Variants in RNGTT observed in about 807,000 individuals in gnomAD.
RNGTT encodes mRNA-capping enzyme.
A neutral mutation model predicts 79.3 loss-of-function variants in RNGTT; 33 were observed. That is an observed-to-expected ratio of 0.42 (90% CI 0.32 to 0.56). The LOEUF (loss-of-function observed/expected upper bound fraction) is 0.56, where lower values mean the gene tolerates loss of function less well. RNGTT is among the 20% of genes least tolerant of loss of function. The pLI, the probability that RNGTT is intolerant of heterozygous loss-of-function variation, is 0.17. For synonymous variants in RNGTT, 222 were observed against 235.9 expected (o/e 0.94, Z 0.54); for missense variants, 497 against 739.1 (o/e 0.67, Z 3.80).
intron 8 of RNGTT, among the ~76,000 whole-genome samples, chr6:88,889,016 G>A (rs1782957608): frequency 6.6e-6 from 1 of 152,000 alleles, no homozygotes; most frequent in Non-Finnish European, 1.5e-5. Context: ...CAACAAGAGT[G>A]AAAACCCGTC....
chr6:88,621,579 CA>C (rs1284641954), intron 14 of RNGTT, among the ~76,000 whole-genome samples: 1 of 151,810 alleles, frequency 6.6e-6, no homozygotes, highest in Non-Finnish European at 1.5e-5. Flanking sequence ...GAATATCATG[CA>C]TTTGTACTCT....
chr6:88,751,735 T>G (rs936467557), intron 13 of RNGTT, among the ~76,000 whole-genome samples: 1 of 152,112 alleles, frequency 6.6e-6, no homozygotes, highest in Non-Finnish European at 1.5e-5. Flanking sequence ...TGGTATGTTA[T>G]ATGGGCATTT....
At chr6:88,698,260 A>ATG (rs1775806276) in intron 13 of RNGTT, among the ~76,000 whole-genome samples, 1 of 95,428 alleles carries the variant, frequency 1.0e-5, no homozygotes, top group African/African-American at 9.2e-5. Flanking sequence ...TATATATATA[A>ATG]ATATATATGA....
intron 2 of RNGTT, among the ~76,000 whole-genome samples, chr6:88,932,961 A>G (rs562906640): frequency 6.6e-6 from 1 of 152,072 alleles, no homozygotes. Context: ...TCAATCCCCA[A>G]ATTTTCCTGC....
At chr6:88,950,245 A>AC in intron 1 of RNGTT, among the ~76,000 whole-genome samples, 1 of 152,296 alleles carries the variant, frequency 6.6e-6, no homozygotes, top group Middle Eastern at 3.4e-3. Flanking sequence ...GCACCTAGGC[A>AC]CCCAAGAACT....
At chr6:88,817,211 C>G (rs1035809718) in intron 11 of RNGTT, among the ~76,000 whole-genome samples, 6 of 152,096 alleles carry the variant, frequency 3.9e-5, no homozygotes, top group African/African-American at 1.4e-4. Context: ...AAGGAATATG[C>G]AAGGTATTCA....
At chr6:88,860,892 A>C (rs1781993922) in intron 8 of RNGTT, among the ~76,000 whole-genome samples, 6 of 151,970 alleles carry the variant, frequency 3.9e-5, no homozygotes, top group Non-Finnish European at 8.8e-5. Context: ...ATACAGCTAA[A>C]TGTAAGGAGG....
intron 11 of RNGTT, among the ~76,000 whole-genome samples, chr6:88,830,578 G>T (rs1248083966): frequency 6.6e-6 from 1 of 151,364 alleles, no homozygotes; most frequent in South Asian, 2.1e-4. Flanking sequence ...ACTAAGACCA[G>T]AGCAGAACTG....
At chr6:88,842,314 T>C (rs1309344161) in intron 11 of RNGTT, among the ~76,000 whole-genome samples, 2 of 151,962 alleles carry the variant, frequency 1.3e-5, no homozygotes, top group African/African-American at 4.8e-5. Flanking sequence ...ATGCAGTTTA[T>C]ATGTCTTAAA....
At chr6:88,621,875 G>T (rs1772454813) in intron 14 of RNGTT, among the ~76,000 whole-genome samples, 1 of 151,980 alleles carries the variant, frequency 6.6e-6, no homozygotes, top group South Asian at 2.1e-4. Context: ...TGATAATAAA[G>T]TTCCCTCTGC....
intron 8 of RNGTT, among the ~76,000 whole-genome samples, chr6:88,881,027 A>C (rs953193873): frequency 1.3e-5 from 2 of 152,338 alleles, no homozygotes; most frequent in East Asian, 3.9e-4. Flanking sequence ...TTATATTTAC[A>C]CTCAAGTAGA....
intron 14 of RNGTT, among the ~76,000 whole-genome samples, chr6:88,660,061 T>A (rs1774122715): frequency 6.6e-6 from 1 of 152,208 alleles, no homozygotes; most frequent in Non-Finnish European, 1.5e-5. Flanking sequence ...TTAAGCTTCA[T>A]AAATGAAGGC....
At chr6:88,962,566 C>T (rs185030935) in intron 1 of RNGTT, among the ~76,000 whole-genome samples, 30 of 151,816 alleles carry the variant, frequency 2.0e-4, no homozygotes, top group African/African-American at 7.0e-4. Flanking sequence ...TGAGGCCAGG[C>T]GTTGGAGACC....
chr6:88,629,339 AG>A (rs1160652923), intron 14 of RNGTT, among the ~76,000 whole-genome samples: 4 of 152,180 alleles, frequency 2.6e-5, no homozygotes, highest in Admixed American at 2.6e-4. Context: ...TCAAAGATGC[AG>A]GGGGAAAAAA....
chr6:88,812,283 G>T (rs1180680515), intron 11 of RNGTT, among the ~76,000 whole-genome samples: 2 of 152,042 alleles, frequency 1.3e-5, no homozygotes, highest in African/African-American at 4.8e-5. Flanking sequence ...AATCCTATTT[G>T]ACAAGTTAGA....
chr6:88,809,385 C>T (rs891906124), intron 11 of RNGTT, among the ~76,000 whole-genome samples: 1 of 152,056 alleles, frequency 6.6e-6, no homozygotes, highest in African/African-American at 2.4e-5. Flanking sequence ...AGAACACAAG[C>T]AGACAGAAAG....
intron 11 of RNGTT, among the ~76,000 whole-genome samples, chr6:88,804,061 G>A (rs921942827): frequency 5.3e-5 from 8 of 152,076 alleles, no homozygotes; most frequent in Non-Finnish European, 1.5e-5. Context: ...ACAATGGAGT[G>A]TTGTGCTTGG....
At chr6:88,756,944 C>T (rs1778037009) in intron 13 of RNGTT, among the ~76,000 whole-genome samples, 1 of 151,982 alleles carries the variant, frequency 6.6e-6, no homozygotes, top group African/African-American at 2.4e-5. Context: ...AGACTAAAAC[C>T]CTAAAAAAAT....
At chr6:88,843,188 G>A (rs968549458) in intron 11 of RNGTT, among the ~76,000 whole-genome samples, 1 of 150,130 alleles carries the variant, frequency 6.7e-6, no homozygotes, top group African/African-American at 2.4e-5. Context: ...GGGAAAATGA[G>A]CTCTCTCATC....
Sources: gnomAD v4.1 joint callset for allele counts (sites outside exome capture counted in the v4.1 genomes callset) on GRCh38, gnomAD v4.1.1 for gene constraint, MANE v1.5 for transcripts, NCBI Gene and HGNC (gene_info 2026-07-23, HGNC 2026-07-21) for gene names.